The following ROBO2 variants were observed in gnomAD, a reference collection of about 807,000 sequenced individuals.
The protein encoded by ROBO2 is roundabout guidance receptor 2.
In ROBO2, 53 loss-of-function variants were observed where a neutral mutation model predicts 160.8. That is an observed-to-expected ratio of 0.33 (90% confidence interval 0.26 to 0.41). The LOEUF is 0.41. ROBO2 is among the 10% of genes least tolerant of loss of function. ROBO2 has a pLI of 1.00. For synonymous variants in ROBO2, 664 were observed against 611.7 expected (o/e 1.09, Z -1.26); for missense variants, 1,577 against 1,722.4 (o/e 0.92, Z 1.49).
intron 2 of ROBO2, among the ~76,000 whole-genome samples, chr3:76,898,106 T>C (rs1336193133): frequency 2.6e-5 from 4 of 152,140 alleles, no homozygotes; most frequent in Admixed American, 2.0e-4. Flanking sequence ...GAATTGACAA[T>C]AGCAGCTATT....
At chr3:76,806,929 A>T (rs2064771333) in intron 2 of ROBO2, among the ~76,000 whole-genome samples, 1 of 152,156 alleles carries the variant, frequency 6.6e-6, no homozygotes, top group Non-Finnish European at 1.5e-5. Context: ...TTGGAATTGA[A>T]TCTTGACTTG....
intron 2 of ROBO2, among the ~76,000 whole-genome samples, chr3:76,242,133 T>A (rs1315131263): frequency 6.6e-6 from 1 of 152,122 alleles, no homozygotes; most frequent in Non-Finnish European, 1.5e-5. Flanking sequence ...AAATAATGGA[T>A]CTTGGTTAAT....
At chr3:76,537,463 G>A (rs1052803240) in intron 2 of ROBO2, among the ~76,000 whole-genome samples, 13 of 152,090 alleles carry the variant, frequency 8.5e-5, no homozygotes, top group Non-Finnish European at 1.2e-4. Context: ...CACAGGCTAA[G>A]GGGGAAGAAA....
chr3:77,366,934 T>C lies in ROBO2; in HGVS notation c.389-110480T>C, dbSNP rs902600639. Among the ~76,000 whole-genome samples the C allele has an allele frequency of 2.7e-5, 4 of 147,510 alleles. No homozygotes were observed. In the Admixed American group the frequency reaches 2.7e-4, roughly 10 times the overall value. Reference sequence around the variant, plus strand: ...CAGTCCCCTGGAATTAATCTGTGCATGAAGGGACCACCTCCATTAGGCCCC... The same window carrying C: ...CAGTCCCCTGGAATTAATCTGTGCACGAAGGGACCACCTCCATTAGGCCCC... On this transcript the variant is annotated intron_variant, in intron 2 of 25. Transcript: ENST00000461745.
chr3:76,798,247 A>AG (rs1553909355), intron 2 of ROBO2, among the ~76,000 whole-genome samples: 1 of 122,062 alleles, frequency 8.2e-6, no homozygotes, highest in African/African-American at 3.0e-5. Flanking sequence ...GAAAAAAAGA[A>AG]GAAAGAAAGA....
At chr3:77,360,574 A>G (rs572650803) in intron 2 of ROBO2, among the ~76,000 whole-genome samples, 1 of 151,804 alleles carries the variant, frequency 6.6e-6, no homozygotes, top group South Asian at 2.1e-4. Flanking sequence ...CACAAGCCTT[A>G]TACAAGCACT....
At chr3:76,517,148 G>T (rs2081382215) in intron 2 of ROBO2, among the ~76,000 whole-genome samples, 1 of 152,168 alleles carries the variant, frequency 6.6e-6, no homozygotes, top group African/African-American at 2.4e-5. Flanking sequence ...TTGCAAGCCA[G>T]TGTTTCCTGG....
chr3:77,396,578 G>T (rs1003916042), intron 2 of ROBO2, among the ~76,000 whole-genome samples: 3 of 152,028 alleles, frequency 2.0e-5, no homozygotes, highest in African/African-American at 7.2e-5. Context: ...TTTTTTGAAG[G>T]TGTTGGTATC....
intron 2 of ROBO2, among the ~76,000 whole-genome samples, chr3:76,230,978 C>T (rs1446331192): frequency 5.3e-5 from 8 of 152,008 alleles, no homozygotes; most frequent in Non-Finnish European, 1.2e-4. Flanking sequence ...CCAAAGATTA[C>T]CAATAAACCA....
rs551751168 is a variant in ROBO2 at position 76,179,012 on chromosome 3, C to A, written c.109+241410C>A. On this transcript the variant is annotated intron_variant, in intron 2 of 26. Transcript: ENST00000487694. ...TTTCATGTTCACACTGCAAACTTTCCCTCAATAAAGGGTATTTTAAGTTAG... is the reference window on the plus strand; with the variant it reads ...TTTCATGTTCACACTGCAAACTTTCACTCAATAAAGGGTATTTTAAGTTAG... 1.1e-4 allele frequency among the ~76,000 whole-genome samples: 17 copies of A among 152,086 alleles called. No individual in the cohort carries two copies. In the East Asian group the frequency reaches 3.3e-3, roughly 29 times the overall value.
intron 2 of ROBO2, among the ~76,000 whole-genome samples, chr3:76,399,130 A>G (rs1273931368): frequency 1.3e-5 from 2 of 151,774 alleles, no homozygotes; most frequent in African/African-American, 2.4e-5. Flanking sequence ...ATATACAGAG[A>G]GATGAAAAAG....
chr3:76,590,127 G>C (rs1346860436), intron 2 of ROBO2, among the ~76,000 whole-genome samples: 1 of 151,972 alleles, frequency 6.6e-6, no homozygotes, highest in Non-Finnish European at 1.5e-5. Context: ...GCAATTTTTA[G>C]CCAGTTTGTG....
chr3:77,503,507 G>C (rs1463962186), intron 5 of ROBO2, among the ~76,000 whole-genome samples: 1 of 150,280 alleles, frequency 6.7e-6, no homozygotes, highest in East Asian at 1.9e-4. Context: ...CTGGGCCACA[G>C]AGAGAGAGTC....
chr3:77,143,766 A>G (rs1023050153), intron 2 of ROBO2, among the ~76,000 whole-genome samples: 1 of 151,706 alleles, frequency 6.6e-6, no homozygotes, highest in African/African-American at 2.4e-5. Flanking sequence ...AATTATTGCT[A>G]TTCTTCCTGC....
chr3:75,984,212 T>G (rs550322751), intron 2 of ROBO2, among the ~76,000 whole-genome samples: 3 of 151,550 alleles, frequency 2.0e-5, no homozygotes, highest in Non-Finnish European at 1.5e-5. Flanking sequence ...CAGCCACATA[T>G]GTACTAATTA....
chr3:76,257,860 G>A (rs189933309), intron 2 of ROBO2, among the ~76,000 whole-genome samples: 17 of 152,252 alleles, frequency 1.1e-4, no homozygotes, highest in African/African-American at 4.1e-4. Context: ...GGGTTATGGG[G>A]TGGGGGAAAG....
rs373201643 is a variant in ROBO2 at position 77,112,193 on chromosome 3, C to CA, written c.388+13877dup. On this transcript the variant is annotated intron_variant, in intron 2 of 25. Transcript: ENST00000461745. The stretch of plus-strand genomic sequence containing the variant: ...CTGGGTGACAGAGCGAGACTCGTCT[C>CA]AAAAAAAAAAAAAAAAAAAAAAAAG... 8.7e-3 allele frequency among the ~76,000 whole-genome samples: 599 copies of CA among 68,470 alleles called. 4 individuals carry two copies. The highest frequency in any genetic ancestry group is 0.021 in the African/African-American group (303 of 14,166). 44.9% of individuals were successfully genotyped at this position (68,470 alleles called of 152,430 possible).
chr3:77,340,023 T>C (rs574468956), intron 2 of ROBO2, among the ~76,000 whole-genome samples: 286 of 152,222 alleles, frequency 1.9e-3, no homozygotes, highest in Middle Eastern at 3.4e-3. Flanking sequence ...CTTCTCATTG[T>C]ATAATTTCCA....
chr3:75,976,424 T>A (rs1159935500), intron 2 of ROBO2, among the ~76,000 whole-genome samples: 1 of 151,490 alleles, frequency 6.6e-6, no homozygotes. Flanking sequence ...AAATACAGTG[T>A]TGAGTAAAGA....
Sources: allele counts gnomAD v4.1 joint callset (sites outside exome capture counted in the v4.1 genomes callset), GRCh38; gene constraint gnomAD v4.1.1; transcripts MANE v1.5; gene names NCBI Gene and HGNC (gene_info 2026-07-23, HGNC 2026-07-21).